CDH4: variants seen among roughly 807,000 people sequenced by gnomAD.
The protein encoded by CDH4 is cadherin-4.
Under a neutral mutation model 86.0 loss-of-function variants are expected in CDH4, and 33 were observed. The ratio of observed to expected loss-of-function variants is 0.38; its 90% CI spans 0.29 to 0.51. The LOEUF is 0.51. CDH4 is among the 20% of genes least tolerant of loss of function. The pLI is 0.86. For missense variants in CDH4, 1,114 were observed against 1,307.4 expected (o/e 0.85, Z 2.28); for synonymous variants, 555 against 549.4 (o/e 1.01, Z -0.14).
At position 61,382,411 on chromosome 20, in the gene CDH4, G is replaced by A. The variant is rs747428029; in HGVS notation, c.169+127474G>A. Among the ~76,000 whole-genome samples, 62 of 152,194 alleles carry A rather than the reference G, an allele frequency of 4.1e-4. 1 individual carries two copies. The highest frequency in any genetic ancestry group is 3.3e-4 in the Admixed American group (5 of 15,280). ...AACACACATGGTGAACATGCACATG[G>A]AAGACCCTGGCATGGGGGACCCCTG... On this transcript the variant is annotated intron_variant, in intron 2 of 15. Transcript: ENST00000614565.
chr20:61,899,283 CA>C (rs66506614), intron 8 of CDH4, among the ~76,000 whole-genome samples: 166 of 134,076 alleles, frequency 1.2e-3, no homozygotes, highest in Middle Eastern at 3.9e-3. Flanking sequence ...TAGCCTGTCT[CA>C]AAAAAAAAAA....
At chr20:61,696,153 G>A (rs2087712763) in intron 2 of CDH4, among the ~76,000 whole-genome samples, 1 of 152,232 alleles carries the variant, frequency 6.6e-6, no homozygotes, top group African/African-American at 2.4e-5. Flanking sequence ...AGGCTGGATT[G>A]TGGGCCCCTC....
At chr20:61,850,069 A>G (rs1411984209) in intron 5 of CDH4, among the ~76,000 whole-genome samples, 2 of 152,218 alleles carry the variant, frequency 1.3e-5, no homozygotes, top group Non-Finnish European at 2.9e-5. Context: ...CAGCCTGTAA[A>G]CATTCAAACG....
chr20:61,763,912 CTGTT>C (rs2088668585), intron 3 of CDH4, among the ~76,000 whole-genome samples: 1 of 152,190 alleles, frequency 6.6e-6, no homozygotes, highest in South Asian at 2.1e-4. Flanking sequence ...TTCCTTAACA[CTGTT>C]TTTTTCTTTT....
In CDH4 at chr20:61,937,908, ACT is replaced by A. The variant is rs2055215285; in HGVS notation, c.*969_*970del. 1 of 152,216 alleles carries A rather than the reference ACT, an allele frequency of 6.6e-6. No individual in the cohort carries two copies. Among genetic ancestry groups the A allele is most frequent in the South Asian group, 2.1e-4 (1 of 4,824 alleles). 9.4% of individuals were successfully genotyped at this position (152,216 alleles called of 1,614,324 possible). A position where few individuals can be genotyped will look rare whatever the true frequency, so the allele number is the denominator to read the frequency against. On this transcript the variant is annotated 3_prime_UTR_variant, in exon 16 of 16. Coordinates refer to ENST00000614565, the MANE Select transcript of CDH4 (RefSeq NM_001794.5). ...CAGGCATCAATTCAAACCCCAGGAC[ACT>A]CTCGACAGCTCCAACCATCCGGAGG...
intron 2 of CDH4, among the ~76,000 whole-genome samples, chr20:61,494,022 A>G (rs1194075165): frequency 6.6e-6 from 1 of 152,174 alleles, no homozygotes; most frequent in Non-Finnish European, 1.5e-5. Context: ...CTCAGCAGCC[A>G]CACTGCCAGA....
chr20:61,725,446 A>G (rs2088099083), intron 2 of CDH4, among the ~76,000 whole-genome samples: 1 of 152,152 alleles, frequency 6.6e-6, no homozygotes, highest in Non-Finnish European at 1.5e-5. Flanking sequence ...AGCAGGGAGC[A>G]CTGTTCCCAG....
At chr20:61,476,723 T>C (rs1284839992) in intron 2 of CDH4, among the ~76,000 whole-genome samples, 1 of 152,224 alleles carries the variant, frequency 6.6e-6, no homozygotes, top group Non-Finnish European at 1.5e-5. Flanking sequence ...ACTATTACCT[T>C]TATCGCTGTA....
In CDH4 at chr20:61,716,667, G is replaced by A. The variant is rs537516877; in HGVS notation, c.170-26896G>A. ...TTCACACCTGTAATCCCAGCACTTT[G>A]GGAGGCCGAGGCAGGAGGATCATCT... On this transcript the variant is annotated intron_variant, in intron 2 of 15. Transcript: ENST00000614565. 3.9e-5 allele frequency among the ~76,000 whole-genome samples: 6 copies of A among 152,332 alleles called. No homozygotes were observed. The East Asian group carries it at 1.2e-3, about 29-fold the overall frequency.
intron 7 of CDH4, among the ~76,000 whole-genome samples, chr20:61,882,586 G>T (rs1334761180): frequency 2.0e-5 from 3 of 152,180 alleles, no homozygotes; most frequent in Admixed American, 6.5e-5. Context: ...CTGGCCCGGG[G>T]GGTGCAGCCC....
intron 2 of CDH4, chr20:61,717,420 C>A (rs2087970459): frequency 6.6e-6 from 1 of 152,378 alleles, no homozygotes; most frequent in South Asian, 2.1e-4. Flanking sequence ...AGCACAGTTT[C>A]CCCCCACAGA....
chr20:61,397,753 C>G (rs1250110967), intron 2 of CDH4, among the ~76,000 whole-genome samples: 1 of 152,148 alleles, frequency 6.6e-6, no homozygotes, highest in South Asian at 2.1e-4. Flanking sequence ...GTTATCGGTG[C>G]AAGGTGGACA....
At position 61,731,166 on chromosome 20, in the gene CDH4, C is replaced by G. The variant is rs555301320; in HGVS notation, c.170-12397C>G. ...CATGAGGGCGTCCGAGTCCCCCCCT[C>G]AGCCCTCAGCCCTGCCCTTGGCTCT... On this transcript the variant is annotated intron_variant, in intron 2 of 15. Coordinates refer to ENST00000614565, the MANE Select transcript of CDH4 (RefSeq NM_001794.5). 2.6e-5 allele frequency among the ~76,000 whole-genome samples: 4 copies of G among 152,076 alleles called. No individual in the cohort carries two copies. In the East Asian group the frequency reaches 7.8e-4, roughly 30 times the overall value.
chr20:61,867,794 C>T (rs1253040080), intron 6 of CDH4, among the ~76,000 whole-genome samples: 2 of 152,162 alleles, frequency 1.3e-5, no homozygotes, highest in Non-Finnish European at 2.9e-5. Context: ...GTGATAAAAG[C>T]CACTGCAAGC....
At chr20:61,916,979 A>T (rs1243276138) in intron 9 of CDH4, among the ~76,000 whole-genome samples, 1 of 152,196 alleles carries the variant, frequency 6.6e-6, no homozygotes, top group Non-Finnish European at 1.5e-5. Flanking sequence ...GCAGGGAAGG[A>T]GAGCACTCCT....
chr20:61,502,888 G>A (rs1453513388), intron 2 of CDH4, among the ~76,000 whole-genome samples: 1 of 152,216 alleles, frequency 6.6e-6, no homozygotes, highest in African/African-American at 2.4e-5. Flanking sequence ...ACAGTGGAGG[G>A]TTCCTTGTGG....
intron 2 of CDH4, among the ~76,000 whole-genome samples, chr20:61,717,109 G>A (rs528221273): frequency 3.3e-5 from 5 of 152,254 alleles, no homozygotes; most frequent in East Asian, 1.9e-4. Context: ...AGGGCAGGGC[G>A]TCAGGGCAGG....
chr20:61,806,595 A>G (rs1980147212), intron 4 of CDH4, among the ~76,000 whole-genome samples: 1 of 152,088 alleles, frequency 6.6e-6, no homozygotes, highest in South Asian at 2.1e-4. Context: ...ATGCAGTACC[A>G]TCGGAGCAGG....
At chr20:61,730,089 G>A (rs1460008176) in intron 2 of CDH4, among the ~76,000 whole-genome samples, 2 of 152,136 alleles carry the variant, frequency 1.3e-5, no homozygotes, top group Admixed American at 1.3e-4. Context: ...TTAACGTCTT[G>A]CATTCGTGTG....
Sources: gnomAD v4.1 joint callset for allele counts (sites outside exome capture counted in the v4.1 genomes callset) on GRCh38, gnomAD v4.1.1 for gene constraint, MANE v1.5 for transcripts, NCBI Gene and HGNC (gene_info 2026-07-23, HGNC 2026-07-21) for gene names.